The following HIPK2 variants were observed in gnomAD, a reference collection of about 807,000 sequenced individuals.
The protein encoded by HIPK2 is homeodomain interacting protein kinase 2, also known as homeodomain-interacting protein kinase 2.
HIPK2 carries 27 observed loss-of-function variants against 113.7 expected under a neutral mutation model. That is an observed-to-expected ratio of 0.24 (90% CI 0.17 to 0.33). The LOEUF (loss-of-function observed/expected upper bound fraction) is 0.33, where lower values mean the gene tolerates loss of function less well. HIPK2 is among the 10% of genes least tolerant of loss of function. The pLI, the probability that HIPK2 is intolerant of heterozygous loss-of-function variation, is 1.00. For synonymous variants in HIPK2, 631 were observed against 642.2 expected (o/e 0.98, Z 0.26); for missense variants, 1,257 against 1,588.0 (o/e 0.79, Z 3.54).
At chr7:139,583,437 T>C (rs994293627) in intron 13 of HIPK2, 2 of 186,972 alleles carry the variant, frequency 1.1e-5, no homozygotes, top group Non-Finnish European at 2.2e-5. Context: ...AAGAAGCCCA[T>C]CTGACCACCA....
chr7:139,652,407 C>G (rs1349739780), intron 2 of HIPK2, among the ~76,000 whole-genome samples: 1 of 152,178 alleles, frequency 6.6e-6, no homozygotes, highest in Non-Finnish European at 1.5e-5. Context: ...TAAGTTCAAT[C>G]ACTGATATTT....
intron 1 of HIPK2, among the ~76,000 whole-genome samples, chr7:139,726,621 T>G (rs186509525): frequency 2.8e-4 from 43 of 152,310 alleles, no homozygotes; most frequent in African/African-American, 1.0e-3. Context: ...TTTACTGAAG[T>G]GTCAGGAGCT....
intron 1 of HIPK2, among the ~76,000 whole-genome samples, chr7:139,753,962 G>A (rs1221555508): frequency 1.3e-5 from 2 of 152,256 alleles, no homozygotes; most frequent in Non-Finnish European, 2.9e-5. Context: ...TGTGCTGAAT[G>A]GCCAGAGAGC....
intron 1 of HIPK2, among the ~76,000 whole-genome samples, chr7:139,767,956 A>G (rs1274130772): frequency 6.6e-6 from 1 of 152,180 alleles, no homozygotes; most frequent in Non-Finnish European, 1.5e-5. Flanking sequence ...CTTCTTCAAG[A>G]CCAGGCTCTG....
At chr7:139,622,115 T>C (rs1215400847) in intron 6 of HIPK2, among the ~76,000 whole-genome samples, 1 of 152,200 alleles carries the variant, frequency 6.6e-6, no homozygotes, top group East Asian at 1.9e-4. Flanking sequence ...GCTAAGCAGG[T>C]GTCTGTGGGC....
Position 139,565,707 on chromosome 7 carries a change from T to C in HIPK2, c.*7220A>G, listed in dbSNP as rs1798069884. 6.6e-6 allele frequency: 1 copy of C among 150,988 alleles called. No homozygotes were observed. The allele number at this position is 150,988 out of a possible 1,614,324, so 9.4% of individuals were successfully genotyped here. On this transcript the variant is annotated 3_prime_UTR_variant, in exon 15 of 15. Coordinates refer to ENST00000406875, the MANE Select transcript of HIPK2 (RefSeq NM_022740.5). The stretch of plus-strand genomic sequence containing the variant: ...TGTCTTTCTTCCACCTCTACTTCTT[T>C]TTTTTTTTCTTTTTTTTTTCTTTTT...
rs1747986983 is a variant in HIPK2 at position 139,570,507 on chromosome 7, G to A, written c.*2420C>T. ...ACTGCCCGGCTGTGCCCAGCATGGA[G>A]CAGTCATGGTGTCCTTCCTTCTCGC... On this transcript the variant is annotated 3_prime_UTR_variant, in exon 15 of 15. Transcript: ENST00000406875. 6.6e-6 allele frequency: 1 copy of A among 152,412 alleles called. No individual in the cohort carries two copies. The highest frequency in any genetic ancestry group is 2.1e-4 in the South Asian group (1 of 4,834). The allele number at this position is 152,412 out of a possible 1,614,324, so 9.4% of individuals were successfully genotyped here.
chr7:139,582,541 T>C (rs1051484266), intron 13 of HIPK2, among the ~76,000 whole-genome samples: 10 of 152,224 alleles, frequency 6.6e-5, no homozygotes, highest in East Asian at 1.9e-4. Flanking sequence ...GGAGACGTTT[T>C]AGCAGGGTGC....
intron 2 of HIPK2, among the ~76,000 whole-genome samples, chr7:139,708,935 TGAAGAGGG>T (rs1794986932): frequency 6.6e-6 from 1 of 152,174 alleles, no homozygotes; most frequent in African/African-American, 2.4e-5. Context: ...TGTGTGTGTG[TGAAGAGGG>T]GACTGCAGTA....
At chr7:139,594,279 G>C (rs1799122920) in intron 12 of HIPK2, among the ~76,000 whole-genome samples, 1 of 152,148 alleles carries the variant, frequency 6.6e-6, no homozygotes, top group Non-Finnish European at 1.5e-5. Flanking sequence ...TGATTTGTAT[G>C]TGTTTCGTCT....
intron 9 of HIPK2, among the ~76,000 whole-genome samples, chr7:139,604,683 C>CAA (rs11353760): frequency 0.013 from 653 of 48,794 alleles, 49 homozygotes; most frequent in South Asian, 0.022. Flanking sequence ...GACTCCGTCT[C>CAA]AAAAAAAAAA....
At chr7:139,573,986 G>C (rs578234439) in intron 14 of HIPK2, among the ~76,000 whole-genome samples, 1 of 152,158 alleles carries the variant, frequency 6.6e-6, no homozygotes, top group Non-Finnish European at 1.5e-5. Context: ...CAGAAGCTGT[G>C]AAGTATCAGG....
At chr7:139,690,581 T>G (rs1190878723) in intron 2 of HIPK2, among the ~76,000 whole-genome samples, 2 of 151,926 alleles carry the variant, frequency 1.3e-5, no homozygotes, top group Non-Finnish European at 2.9e-5. Context: ...GGGGCCAAGG[T>G]GGGAGGATCG....
intron 2 of HIPK2, among the ~76,000 whole-genome samples, chr7:139,658,870 C>G (rs1801764892): frequency 6.6e-6 from 1 of 152,222 alleles, no homozygotes; most frequent in Non-Finnish European, 1.5e-5. Context: ...CCAGGGTTTT[C>G]TATCTGAACT....
At chr7:139,626,382 C>A (rs1240474333) in intron 6 of HIPK2, among the ~76,000 whole-genome samples, 1 of 151,926 alleles carries the variant, frequency 6.6e-6, no homozygotes, top group African/African-American at 2.4e-5. Flanking sequence ...GGATTACAGG[C>A]ATGAGACACC....
chr7:139,672,106 C>G (rs965481461), intron 2 of HIPK2, among the ~76,000 whole-genome samples: 1 of 151,990 alleles, frequency 6.6e-6, no homozygotes, highest in African/African-American at 2.4e-5. Context: ...CAATATTTAT[C>G]TAGTGACCAC....
chr7:139,774,586 C>T (rs905528204), intron 1 of HIPK2, among the ~76,000 whole-genome samples: 3 of 152,210 alleles, frequency 2.0e-5, no homozygotes, highest in Non-Finnish European at 2.9e-5. Context: ...TCTTCAGGTC[C>T]ATCTGATGAT....
chr7:139,574,115 C>T (rs546387682), intron 14 of HIPK2, among the ~76,000 whole-genome samples: 7 of 152,248 alleles, frequency 4.6e-5, no homozygotes, highest in Admixed American at 2.0e-4. Context: ...CGTGAGCCAC[C>T]GCACCCGGCC....
At position 139,641,052 on chromosome 7, in the gene HIPK2, T is replaced by C. The variant is rs1156698638; in HGVS notation, c.1104-9327A>G. Among the ~76,000 whole-genome samples, 3 of 151,702 alleles carry C rather than the reference T, an allele frequency of 2.0e-5. No homozygotes were observed. In the East Asian group the frequency reaches 5.8e-4, roughly 29 times the overall value. ...TTAATATAACCAACAGTGAAGTACCTACCACCTAGCTTTAGAAATAAAAAC... is the reference window on the plus strand; with the variant it reads ...TTAATATAACCAACAGTGAAGTACCCACCACCTAGCTTTAGAAATAAAAAC... On this transcript the variant is annotated intron_variant, in intron 2 of 14. Coordinates refer to ENST00000406875, the MANE Select transcript of HIPK2 (RefSeq NM_022740.5).
Sources: gnomAD v4.1 joint callset for allele counts (sites outside exome capture counted in the v4.1 genomes callset) on GRCh38, gnomAD v4.1.1 for gene constraint, MANE v1.5 for transcripts, NCBI Gene and HGNC (gene_info 2026-07-23, HGNC 2026-07-21) for gene names.